RASGEF1B: variants seen among roughly 807,000 people sequenced by gnomAD.
RASGEF1B encodes ras-GEF domain-containing family member 1B.
Under a neutral mutation model 65.7 loss-of-function variants are expected in RASGEF1B, and 30 were observed. The observed-to-expected ratio is 0.46, with a 90% CI of 0.34 to 0.62. The LOEUF (loss-of-function observed/expected upper bound fraction) is 0.62. RASGEF1B is among the 20% of genes least tolerant of loss of function. The probability of loss-of-function intolerance (pLI) is 0.01; values close to 1 mark genes in which losing one functional copy is unlikely to be tolerated. For synonymous variants in RASGEF1B, 175 were observed against 194.8 expected (o/e 0.90, Z 0.85); for missense variants, 495 against 580.1 (o/e 0.85, Z 1.51).
chr4:81,451,970 G>A (rs1397070063), intron 4 of RASGEF1B: 2 of 152,236 alleles, frequency 1.3e-5, no homozygotes, highest in African/African-American at 4.8e-5. Flanking sequence ...GGGCAGCCTG[G>A]GTTCCACCCC....
chr4:81,461,628 C>T (rs547799788), intron 1 of RASGEF1B, among the ~76,000 whole-genome samples: 4 of 152,324 alleles, frequency 2.6e-5, no homozygotes, highest in Admixed American at 2.6e-4. Flanking sequence ...ATTTCACTTT[C>T]CTTTCACTTT....
At chr4:81,442,965 G>T (rs1034196422) in intron 8 of RASGEF1B, among the ~76,000 whole-genome samples, 9 of 152,248 alleles carry the variant, frequency 5.9e-5, no homozygotes, top group African/African-American at 2.2e-4. Flanking sequence ...CGCTTTGCGT[G>T]TACTATCTCA....
At chr4:81,448,959 C>T (rs906943796) in intron 4 of RASGEF1B, among the ~76,000 whole-genome samples, 1 of 152,098 alleles carries the variant, frequency 6.6e-6, no homozygotes, top group Non-Finnish European at 1.5e-5. Context: ...GGATTACAGG[C>T]ATGTGCCACC....
intron 1 of RASGEF1B, chr4:81,471,011 T>C (rs956579273): frequency 2.6e-5 from 4 of 152,062 alleles, no homozygotes; most frequent in African/African-American, 4.8e-5. Flanking sequence ...CCCGCGAGGC[T>C]CCTAGATACC....
intron 10 of RASGEF1B, among the ~76,000 whole-genome samples, chr4:81,439,152 G>A (rs527611626): frequency 1.8e-4 from 28 of 152,198 alleles, no homozygotes; most frequent in African/African-American, 5.5e-4. Context: ...GATCCTTGAC[G>A]AATTGCCACA....
intron 4 of RASGEF1B, chr4:81,454,546 C>A (rs1039269878): frequency 6.6e-6 from 1 of 152,206 alleles, no homozygotes; most frequent in Admixed American, 6.5e-5. Flanking sequence ...CCAGCACTGA[C>A]CCTGCCAAGG....
chr4:81,459,265 C>A, intron 2 of RASGEF1B, 67 bp downstream of exon 2: 1 of 1,195,658 alleles, frequency 8.4e-7, no homozygotes, highest in Non-Finnish European at 1.1e-6. Context: ...ATCTATGGTC[C>A]CTGCCTACTG....
At chr4:81,449,330 G>A (rs1219462491) in intron 4 of RASGEF1B, among the ~76,000 whole-genome samples, 3 of 152,178 alleles carry the variant, frequency 2.0e-5, no homozygotes, top group Non-Finnish European at 4.4e-5. Flanking sequence ...ACAGCCTCAT[G>A]CTTAAGAGAA....
In RASGEF1B at chr4:81,426,981, CAAAAAAAAAAAAAAAA is replaced by C. The variant is rs546907988; in HGVS notation, c.*771_*786del. On this transcript the variant is annotated 3_prime_UTR_variant, in exon 14 of 14. Transcript: ENST00000264400. Reference sequence around the variant, plus strand: ...GTCAGTTGTAAACAGCTCAGAAGAGCAAAAAAAAAAAAAAAAAAAAAAAAAAAAAGTCCTTCTAGCA... The same window carrying C: ...GTCAGTTGTAAACAGCTCAGAAGAGCAAAAAAAAAAAAAGTCCTTCTAGCA... The C allele has an allele frequency of 8.8e-5, 3 of 34,248 alleles. No individual in the cohort carries two copies. The highest frequency in any genetic ancestry group is 5.6e-4 in the Admixed American group (1 of 1,790). The allele number at this position is 34,248 out of a possible 1,614,324, so 2.1% of individuals were successfully genotyped here.
intron 10 of RASGEF1B, among the ~76,000 whole-genome samples, chr4:81,434,957 T>C (rs1308644480): frequency 6.6e-6 from 1 of 152,216 alleles, no homozygotes; most frequent in African/African-American, 2.4e-5. Flanking sequence ...CAAGTAGCAA[T>C]GGGAAGTGAA....
At chr4:81,449,819 G>A (rs1722185229) in intron 4 of RASGEF1B, among the ~76,000 whole-genome samples, 1 of 152,196 alleles carries the variant, frequency 6.6e-6, no homozygotes, top group Admixed American at 6.5e-5. Context: ...ATTTGCTTAT[G>A]AGGAGAATGA....
rs145703440 is a variant in RASGEF1B at position 81,445,876 on chromosome 4, A to G, written c.730-38T>C. On this transcript the variant is annotated intron_variant, in intron 6 of 13. Coordinates refer to ENST00000264400, the MANE Select transcript of RASGEF1B (RefSeq NM_152545.3). Reference sequence around the variant, plus strand: ...CAAAGTAAACAGATGAGTTAGAGGAAAAAAACAATGTAGTGGACTCTCATT... The same window carrying G: ...CAAAGTAAACAGATGAGTTAGAGGAGAAAAACAATGTAGTGGACTCTCATT... 628 of 1,485,740 alleles carry G rather than the reference A, an allele frequency of 4.2e-4. 7 individuals are homozygous for G. In the East Asian group the frequency reaches 0.013, roughly 32 times the overall value. The allele number at this position is 1,485,740 out of a possible 1,614,324, so 92.0% of individuals were successfully genotyped here.
chr4:81,450,990 T>G (rs1722238748), intron 4 of RASGEF1B: 1 of 152,192 alleles, frequency 6.6e-6, no homozygotes, highest in African/African-American at 2.4e-5. Flanking sequence ...ATGCAAATAT[T>G]TCCCAGTGTA....
At chr4:81,460,892 T>A (rs1048129113) in intron 1 of RASGEF1B, among the ~76,000 whole-genome samples, 2 of 152,168 alleles carry the variant, frequency 1.3e-5, no homozygotes, top group Non-Finnish European at 2.9e-5. Context: ...AAGAAGGTGA[T>A]GACTGAGAAC....
At chr4:81,465,125 G>A (rs190267062) in intron 1 of RASGEF1B, among the ~76,000 whole-genome samples, 167 of 150,922 alleles carry the variant, frequency 1.1e-3, no homozygotes, top group African/African-American at 4.0e-3. Context: ...AGGAATTCTT[G>A]TATTTTCAGG....
At position 81,437,895 on chromosome 4, in the gene RASGEF1B, T is replaced by G. The variant is rs541939940; in HGVS notation, c.1104+2939A>C. 2.1e-4 allele frequency among the ~76,000 whole-genome samples: 32 copies of G among 152,338 alleles called. 1 individual carries two copies. The South Asian group carries it at 6.0e-3, about 29-fold the overall frequency. ...AGATTATAAGGACTTCAGATTTCCATGAGCTAAGTGAATGTACACATTATT... is the reference window on the plus strand; with the variant it reads ...AGATTATAAGGACTTCAGATTTCCAGGAGCTAAGTGAATGTACACATTATT... On this transcript the variant is annotated intron_variant, in intron 10 of 13. Coordinates refer to ENST00000264400, the MANE Select transcript of RASGEF1B (RefSeq NM_152545.3).
intron 4 of RASGEF1B, 93 bp from the exon 5 acceptor site, chr4:81,448,377 T>C: frequency 1.9e-6 from 2 of 1,079,390 alleles, no homozygotes; most frequent in South Asian, 1.4e-5. Flanking sequence ...TGATTTTACC[T>C]GGACATTGGA....
At chr4:81,462,154 C>G (rs1722669503) in intron 1 of RASGEF1B, among the ~76,000 whole-genome samples, 1 of 152,198 alleles carries the variant, frequency 6.6e-6, no homozygotes, top group East Asian at 1.9e-4. Context: ...TGTTTTCCAT[C>G]TGTTATTTCC....
chr4:81,453,005 A>G (rs76351307), intron 4 of RASGEF1B: 5 of 102,068 alleles, frequency 4.9e-5, no homozygotes, highest in South Asian at 3.8e-4. Context: ...CCAAAAGGAG[A>G]AAAAAAAAAA....
Sources: gnomAD v4.1 joint callset for allele counts (sites outside exome capture counted in the v4.1 genomes callset) on GRCh38, gnomAD v4.1.1 for gene constraint, MANE v1.5 for transcripts, NCBI Gene and HGNC (gene_info 2026-07-23, HGNC 2026-07-21) for gene names.